The following AGAP1 variants were observed in gnomAD, a reference collection of about 807,000 sequenced individuals.
The protein encoded by AGAP1 is arf-GAP with GTPase, ANK repeat and PH domain-containing protein 1.
In AGAP1, 29 loss-of-function variants were observed where a neutral mutation model predicts 105.3. That is an observed-to-expected ratio of 0.28 (90% CI 0.21 to 0.38). The LOEUF (loss-of-function observed/expected upper bound fraction) is 0.38, where lower values mean the gene tolerates loss of function less well. AGAP1 is among the 10% of genes least tolerant of loss of function. The pLI is 1.00. For missense variants in AGAP1, 998 were observed against 1,165.1 expected (o/e 0.86, Z 2.09); for synonymous variants, 509 against 485.9 (o/e 1.05, Z -0.63).
intron 13 of AGAP1, among the ~76,000 whole-genome samples, chr2:236,023,345 G>C (rs1195585918): frequency 1.3e-5 from 2 of 152,156 alleles, no homozygotes; most frequent in Admixed American, 6.5e-5. Context: ...AGATGAAGTG[G>C]GCTGCTCATG....
rs1437397447 is a variant in AGAP1 at position 235,931,289 on chromosome 2, G to A, written c.1483+366G>A. Among the ~76,000 whole-genome samples, 1 of 152,098 alleles carries A rather than the reference G, an allele frequency of 6.6e-6. No homozygotes were observed. Among genetic ancestry groups the A allele is most frequent in the Non-Finnish European group, 1.5e-5 (1 of 68,018 alleles). ...CTCCCCAATCACACTGCCCTACGTG[G>A]CGTGGCCCACACTCTTCCACCACTA... is the stretch of plus-strand genomic sequence containing the variant. On this transcript the variant is annotated intron_variant, in intron 12 of 17. Transcript: ENST00000304032. The surrounding 1 kb of genome is among the most constrained non-coding windows in gnomAD (Gnocchi z 5.6).
Position 235,633,989 on chromosome 2 carries a change from C to T in AGAP1, c.164-75190C>T, listed in dbSNP as rs1228041866. ...TCAGTTTTCCGAGCCCCAGCAAGCC[C>T]CTCCCTGCAAAGTTGCAGCCCCCAG... On this transcript the variant is annotated intron_variant, in intron 1 of 17. Transcript: ENST00000304032. The surrounding 1 kb of genome is among the most constrained non-coding windows in gnomAD (Gnocchi z 4.8). Among the ~76,000 whole-genome samples the T allele has an allele frequency of 6.6e-6, 1 of 152,034 alleles. No homozygotes were observed. The highest frequency in any genetic ancestry group is 1.5e-5 in the Non-Finnish European group (1 of 68,012).
At chr2:235,598,194 T>C (rs1945604125) in intron 1 of AGAP1, among the ~76,000 whole-genome samples, 1 of 151,936 alleles carries the variant, frequency 6.6e-6, no homozygotes, top group African/African-American at 2.4e-5. Context: ...GTCTACAGCA[T>C]CCCAGTCTGA....
chr2:236,124,079 A>G lies in AGAP1; in HGVS notation c.2531A>G (p.Asn844Ser), dbSNP rs201344409. The G allele has an allele frequency of 3.6e-5, 58 of 1,614,098 alleles. No homozygotes were observed. The East Asian group carries it at 1.2e-3, about 33-fold the overall frequency. ...ACCCCTAACCTGTCCAGGAGAAACA[A>G]TAACCGGAACAACAGCAGTGGGAGG... ...MATPNLSRRN[N>S]NRNNSSGRVP... Residue 844 changes from asparagine (N) to serine (S), a missense_variant, in exon 18 of 18, where the codon AAT (asparagine) becomes AGT (serine). Asn to Ser is a conservative substitution (Grantham distance 46). This residue lies in a region of AGAP1 where 235 missense variants were observed against 270.7 expected (regional missense o/e 0.87). Coordinates refer to ENST00000304032, the MANE Select transcript of AGAP1 (RefSeq NM_001037131.3). This position sits in a 1 kb window ranked among gnomAD's most constrained non-coding sequence, Gnocchi z 5.1.
At position 235,930,728 on chromosome 2, in the gene AGAP1, G is replaced by C. The variant is rs1559660746; in HGVS notation, c.1325-37G>C. Reference sequence around the variant, plus strand: ...CTCGCGCTGGTTTCTGTGGTCTGCAGTCCGCGGTGGTGTTCACCTGACTTG... The same window carrying C: ...CTCGCGCTGGTTTCTGTGGTCTGCACTCCGCGGTGGTGTTCACCTGACTTG... On this transcript the variant is annotated intron_variant, in intron 11 of 17. Coordinates refer to ENST00000304032, the MANE Select transcript of AGAP1 (RefSeq NM_001037131.3). The surrounding 1 kb of genome is among the most constrained non-coding windows in gnomAD (Gnocchi z 7.9). The C allele has an allele frequency of 6.2e-7, 1 of 1,600,620 alleles. No homozygotes were observed. The highest frequency in any genetic ancestry group is 8.5e-7 in the Non-Finnish European group (1 of 1,173,584).
At position 235,959,365 on chromosome 2, in the gene AGAP1, C is replaced by T. The variant is rs1345548324; in HGVS notation, c.1484-9097C>T. ...GAGTAGTTGGAATGGAAAAGCACAGCGTGGAAGCCTAGTGCGTTGTGATTG... is the reference window on the plus strand; with the variant it reads ...GAGTAGTTGGAATGGAAAAGCACAGTGTGGAAGCCTAGTGCGTTGTGATTG... On this transcript the variant is annotated intron_variant, in intron 12 of 17. Transcript: ENST00000304032. This position sits in a 1 kb window ranked among gnomAD's most constrained non-coding sequence, Gnocchi z 7.3. Among the ~76,000 whole-genome samples, 1 of 152,140 alleles carries T rather than the reference C, an allele frequency of 6.6e-6. No individual in the cohort carries two copies. Among genetic ancestry groups the T allele is most frequent in the African/African-American group, 2.4e-5 (1 of 41,438 alleles).
Position 235,888,786 on chromosome 2 carries a change from C to T in AGAP1, c.1155+5337C>T, listed in dbSNP as rs2050389007. On this transcript the variant is annotated intron_variant, in intron 10 of 17. Coordinates refer to ENST00000304032, the MANE Select transcript of AGAP1 (RefSeq NM_001037131.3). The surrounding 1 kb of genome is among the most constrained non-coding windows in gnomAD (Gnocchi z 4.8). ...AGCGGCCACCCACTGCCCCAGCCTT[C>T]CCTGTGGCCACTTCAGCTCCTGCGT... Among the ~76,000 whole-genome samples the T allele has an allele frequency of 6.6e-6, 1 of 152,150 alleles. No homozygotes were observed. Among genetic ancestry groups the T allele is most frequent in the Admixed American group, 6.5e-5 (1 of 15,286 alleles).
In AGAP1 at chr2:235,779,800, G is replaced by A. The variant is rs1295972035; in HGVS notation, c.674-17959G>A. On this transcript the variant is annotated intron_variant, in intron 6 of 17. Transcript: ENST00000304032. ...ATTAGGCATAAAGTGAATGTGATAGGAAACTGGAAGCTCATGGCTGAAGCC... is the reference window on the plus strand; with the variant it reads ...ATTAGGCATAAAGTGAATGTGATAGAAAACTGGAAGCTCATGGCTGAAGCC... Among the ~76,000 whole-genome samples, 7 of 152,180 alleles carry A rather than the reference G, an allele frequency of 4.6e-5. No individual in the cohort carries two copies. In the South Asian group the frequency reaches 1.2e-3, roughly 27 times the overall value.
intron 1 of AGAP1, among the ~76,000 whole-genome samples, chr2:235,702,934 G>GTTTTTTTTTTTTTTTGTTTTTTTTTTTT (rs549844265): frequency 1.1e-5 from 1 of 88,946 alleles, no homozygotes; most frequent in East Asian, 5.8e-4. Flanking sequence ...AGTTTTCTTG[G>GTTTTTTTTTTTTTTTGTTTTTTTTTTTT]TTTTTTTTTT....
intron 16 of AGAP1, among the ~76,000 whole-genome samples, chr2:236,071,587 C>T (rs1418573817): frequency 6.6e-6 from 1 of 152,210 alleles, no homozygotes; most frequent in African/African-American, 2.4e-5. Context: ...ACAGTTCAGC[C>T]AGTGTTTGTG....
intron 6 of AGAP1, among the ~76,000 whole-genome samples, chr2:235,772,227 G>A (rs542978549): frequency 6.6e-6 from 1 of 152,148 alleles, no homozygotes; most frequent in Admixed American, 6.5e-5. Flanking sequence ...CCTGACCTCA[G>A]GTGATCCGCC....
Position 235,982,319 on chromosome 2 carries a change from C to T in AGAP1, c.1645+13696C>T, listed in dbSNP as rs1328693955. Among the ~76,000 whole-genome samples, 1 of 146,942 alleles carries T rather than the reference C, an allele frequency of 6.8e-6. No homozygotes were observed. The highest frequency in any genetic ancestry group is 2.7e-5 in the African/African-American group (1 of 36,454). The stretch of plus-strand genomic sequence containing the variant: ...TACAATTAACATATAATTACCTCAA[C>T]GGGCCAATTAATTAAGCAATTTAAG... On this transcript the variant is annotated intron_variant, in intron 13 of 17. Transcript: ENST00000304032. This position sits in a 1 kb window ranked among gnomAD's most constrained non-coding sequence, Gnocchi z 4.9.
At chr2:236,066,350 T>G (rs561978667) in intron 16 of AGAP1, among the ~76,000 whole-genome samples, 1 of 152,174 alleles carries the variant, frequency 6.6e-6, no homozygotes, top group Non-Finnish European at 1.5e-5. Context: ...CTCAGCCTCC[T>G]GAGTAGTTGG....
Position 236,021,100 on chromosome 2 carries a change from A to G in AGAP1, c.1646-15461A>G, listed in dbSNP as rs2056867695. 2.0e-5 allele frequency among the ~76,000 whole-genome samples: 3 copies of G among 147,928 alleles called. No individual in the cohort carries two copies. In the South Asian group the frequency reaches 6.7e-4, roughly 33 times the overall value. Reference sequence around the variant, plus strand: ...AGAATCTCTTGAACCAGGGAGGCAGAGGTTGCAGTGAGCCAAGATCGTGCC... The same window carrying G: ...AGAATCTCTTGAACCAGGGAGGCAGGGGTTGCAGTGAGCCAAGATCGTGCC... On this transcript the variant is annotated intron_variant, in intron 13 of 17. Coordinates refer to ENST00000304032, the MANE Select transcript of AGAP1 (RefSeq NM_001037131.3).
intron 13 of AGAP1, among the ~76,000 whole-genome samples, chr2:236,028,071 A>C (rs1382963430): frequency 2.0e-5 from 3 of 152,184 alleles, no homozygotes; most frequent in Non-Finnish European, 4.4e-5. Flanking sequence ...CTGGGGTTGC[A>C]GTTGGTCCTT....
rs553262051 is a variant in AGAP1 at position 235,539,110 on chromosome 2, A to G, written c.163+44261A>G. 2.6e-4 allele frequency among the ~76,000 whole-genome samples: 40 copies of G among 152,300 alleles called. 1 individual carries two copies. The Middle Eastern group carries it at 0.01, about 39-fold the overall frequency. ...CCTACCTGCCTTTTCCTGATTTGAAATGGTGATCTGCGTTGGTCTCAAGAC... is the reference window on the plus strand; with the variant it reads ...CCTACCTGCCTTTTCCTGATTTGAAGTGGTGATCTGCGTTGGTCTCAAGAC... On this transcript the variant is annotated intron_variant, in intron 1 of 17. Coordinates refer to ENST00000304032, the MANE Select transcript of AGAP1 (RefSeq NM_001037131.3).
In AGAP1 at chr2:235,692,275, G is replaced by A. The variant is rs192061113; in HGVS notation, c.164-16904G>A. On this transcript the variant is annotated intron_variant, in intron 1 of 17. Coordinates refer to ENST00000304032, the MANE Select transcript of AGAP1 (RefSeq NM_001037131.3). This position sits in a 1 kb window ranked among gnomAD's most constrained non-coding sequence, Gnocchi z 5.8. ...CACCTGTTCCTCTGGCCTCGCCTCT[G>A]TAACAGAACGTGGCCCCTGCCTTCC... 3.9e-4 allele frequency among the ~76,000 whole-genome samples: 60 copies of A among 152,258 alleles called. No individual in the cohort carries two copies. The East Asian group carries it at 9.9e-3, about 25-fold the overall frequency.
rs2054477154 is a variant in AGAP1 at position 235,967,957 on chromosome 2, A to G, written c.1484-505A>G. On this transcript the variant is annotated intron_variant, in intron 12 of 17. Coordinates refer to ENST00000304032, the MANE Select transcript of AGAP1 (RefSeq NM_001037131.3). The surrounding 1 kb of genome is among the most constrained non-coding windows in gnomAD (Gnocchi z 4.7). ...AAATGGCATAGAATTTTTCACTGAT[A>G]ATAAAACAAGATGAAGTTATAGTCA... Among the ~76,000 whole-genome samples, 1 of 152,226 alleles carries G rather than the reference A, an allele frequency of 6.6e-6. No individual in the cohort carries two copies. The highest frequency in any genetic ancestry group is 1.5e-5 in the Non-Finnish European group (1 of 68,048).
In AGAP1 at chr2:235,716,245, G is replaced by A. The variant is rs1400735957; in HGVS notation, c.223-1312G>A. ...GAGGATGGAGCCCTGGCGAGTCCCAGTATGTCCCTGCAGATGGAGGAAGAA... is the reference window on the plus strand; with the variant it reads ...GAGGATGGAGCCCTGGCGAGTCCCAATATGTCCCTGCAGATGGAGGAAGAA... On this transcript the variant is annotated intron_variant, in intron 2 of 17. Transcript: ENST00000304032. The surrounding 1 kb of genome is among the most constrained non-coding windows in gnomAD (Gnocchi z 4.0). Among the ~76,000 whole-genome samples, 1 of 152,164 alleles carries A rather than the reference G, an allele frequency of 6.6e-6. No homozygotes were observed. The highest frequency in any genetic ancestry group is 1.5e-5 in the Non-Finnish European group (1 of 68,016).
Sources: gnomAD v4.1 joint callset for allele counts (sites outside exome capture counted in the v4.1 genomes callset) on GRCh38, gnomAD v4.1.1 for gene constraint, gnomAD v4.1.1 regional missense constraint, Gnocchi (gnomAD v3.1) non-coding constraint, MANE v1.5 for transcripts, NCBI Gene and HGNC (gene_info 2026-07-23, HGNC 2026-07-21) for gene names.